Variants in LSM6 observed in about 807,000 individuals in gnomAD.
The protein encoded by LSM6 is LSM6 homolog, U6 small nuclear RNA and mRNA degradation associated.
Under a neutral mutation model 13.5 loss-of-function variants are expected in LSM6, and 2 were observed. The ratio of observed to expected loss-of-function variants is 0.15; its 90% CI spans 0.06 to 0.47. LSM6 has a LOEUF of 0.47. Among genes scored for constraint, LSM6 ranks in the 20% least tolerant of loss-of-function variants. LSM6 has a pLI of 0.97. For missense variants in LSM6, 58 were observed against 96.4 expected (o/e 0.60, Z 1.67); for synonymous variants, 43 against 34.9 (o/e 1.23, Z -0.82).
At chr4:146,179,288 C>G (rs1171720003) in intron 1 of LSM6, among the ~76,000 whole-genome samples, 1 of 152,194 alleles carries the variant, frequency 6.6e-6, no homozygotes, top group East Asian at 1.9e-4. Context: ...AGACTCATCT[C>G]TTGCTTCAGA....
chr4:146,189,494 ATGAT>A, intron 3 of LSM6, 124 bp from the exon 4 acceptor site: 1 of 660,578 alleles, frequency 1.5e-6, no homozygotes, highest in East Asian at 2.8e-5. Flanking sequence ...AGTTAATTGA[ATGAT>A]ACGAGAATTC....
rs1481353018 is a variant in LSM6 at position 146,175,797 on chromosome 4, G to GTTCC, written c.-24_-21dup. ...TGGGGCGCCTGGAGTGAGGGTTCTG[G>GTTCC]TTCCCGCCGGCGAGGTGAGCCGCAC... is the stretch of plus-strand genomic sequence containing the variant. On this transcript the variant is annotated 5_prime_UTR_variant, in exon 1 of 4. Coordinates refer to ENST00000296581, the MANE Select transcript of LSM6 (RefSeq NM_007080.3). The GTTCC allele has an allele frequency of 6.6e-6, 1 of 152,390 alleles. No individual in the cohort carries two copies. The highest frequency in any genetic ancestry group is 2.4e-5 in the African/African-American group (1 of 41,464). The allele number at this position is 152,390 out of a possible 1,614,324, so 9.4% of individuals were successfully genotyped here. A position where few individuals can be genotyped will look rare whatever the true frequency, so the allele number is the denominator to read the frequency against.
At chr4:146,182,888 G>A (rs1730261458) in intron 1 of LSM6, 24 bp from the exon 2 acceptor site, 3 of 1,376,456 alleles carry the variant, frequency 2.2e-6, no homozygotes, top group Non-Finnish European at 3.1e-6. Flanking sequence ...ACCTTTTATT[G>A]TTCCTTTTCA....
chr4:146,177,534 A>G (rs1249296006), intron 1 of LSM6, among the ~76,000 whole-genome samples: 1 of 152,202 alleles, frequency 6.6e-6, no homozygotes, highest in Non-Finnish European at 1.5e-5. Context: ...CCTACACTCC[A>G]TCATTTGGTT....
chr4:146,177,441 T>C (rs1025785415), intron 1 of LSM6, among the ~76,000 whole-genome samples: 1 of 152,216 alleles, frequency 6.6e-6, no homozygotes, highest in Non-Finnish European at 1.5e-5. Context: ...ATCCATTATT[T>C]AGAATGGCAA....
chr4:146,178,037 G>A (rs1730148760), intron 1 of LSM6, among the ~76,000 whole-genome samples: 1 of 152,208 alleles, frequency 6.6e-6, no homozygotes, highest in African/African-American at 2.4e-5. Context: ...ACAAACAGTT[G>A]TTTTCTCAGT....
intron 3 of LSM6, among the ~76,000 whole-genome samples, chr4:146,188,947 G>T (rs1226169255): frequency 6.6e-6 from 1 of 151,424 alleles, no homozygotes; most frequent in African/African-American, 2.4e-5. Flanking sequence ...TTGAGATCTA[G>T]CCTGGTTAGA....
rs1157490448 is a variant in LSM6 at position 146,189,737 on chromosome 4, C to T, written c.*81C>T. 7.1e-6 allele frequency: 7 copies of T among 990,602 alleles called. No individual in the cohort carries two copies. The South Asian group carries it at 7.5e-5, about 11-fold the overall frequency. The allele number at this position is 990,602 out of a possible 1,614,324, so 61.4% of individuals were successfully genotyped here. On this transcript the variant is annotated 3_prime_UTR_variant, in exon 4 of 4. Coordinates refer to ENST00000296581, the MANE Select transcript of LSM6 (RefSeq NM_007080.3). ...TCTAATTTTTGCTTCTTTTGTGATA[C>T]AATTTGTCCTCTTTTTATAATAGTT... is the stretch of plus-strand genomic sequence containing the variant.
chr4:146,183,224 G>A, intron 2 of LSM6: 1 of 432,804 alleles, frequency 2.3e-6, no homozygotes, highest in Non-Finnish European at 4.3e-6. Flanking sequence ...CTTTCAGTGT[G>A]ATTTGTGTGA....
At chr4:146,180,699 A>AT in intron 1 of LSM6, among the ~76,000 whole-genome samples, 2 of 152,304 alleles carry the variant, frequency 1.3e-5, no homozygotes, top group Non-Finnish European at 2.9e-5. Flanking sequence ...CATTTTAGTG[A>AT]TTTTTAACAC....
At chr4:146,180,099 G>T (rs537030836) in intron 1 of LSM6, among the ~76,000 whole-genome samples, 7 of 152,322 alleles carry the variant, frequency 4.6e-5, no homozygotes, top group African/African-American at 1.7e-4. Context: ...TCAGCTAGGG[G>T]GTGACGCCTT....
chr4:146,185,424 C>T (rs1182506721), intron 2 of LSM6, among the ~76,000 whole-genome samples: 1 of 148,832 alleles, frequency 6.7e-6, no homozygotes, highest in African/African-American at 2.5e-5. Flanking sequence ...ATGTTTTATA[C>T]TATTAGATAG....
chr4:146,191,507 G>GTAA lies in LSM6; in HGVS notation c.*1855_*1857dup, dbSNP rs1730469691. 6.6e-6 allele frequency: 1 copy of GTAA among 152,156 alleles called. No individual in the cohort carries two copies. Among genetic ancestry groups the GTAA allele is most frequent in the African/African-American group, 2.4e-5 (1 of 41,410 alleles). 9.4% of individuals were successfully genotyped at this position (152,156 alleles called of 1,614,324 possible). A position where few individuals can be genotyped will look rare whatever the true frequency, so the allele number is the denominator to read the frequency against. On this transcript the variant is annotated 3_prime_UTR_variant, in exon 4 of 4. Coordinates refer to ENST00000296581, the MANE Select transcript of LSM6 (RefSeq NM_007080.3). ...TTTGGGAAGTGCTGCCATTTTTATG[G>GTAA]TAATAAAGGACTGTATTATGCACTT...
At position 146,189,722 on chromosome 4, in the gene LSM6, G is replaced by A; in HGVS notation, c.*66G>A. 3 of 1,305,916 alleles carry A rather than the reference G, an allele frequency of 2.3e-6. No individual in the cohort carries two copies. Among genetic ancestry groups the A allele is most frequent in the Non-Finnish European group, 3.2e-6 (3 of 933,884 alleles). The allele number at this position is 1,305,916 out of a possible 1,614,324, so 80.9% of individuals were successfully genotyped here. ...TTTTTATGAATTTTTTCTAATTTTT[G>A]CTTCTTTTGTGATACAATTTGTCCT... On this transcript the variant is annotated 3_prime_UTR_variant, in exon 4 of 4. Transcript: ENST00000296581.
rs775275971 is a variant in LSM6, at chr4:146,183,019, A to G, written c.94+4A>G. On this transcript the variant is annotated splice_donor_region_variant and intron_variant, in intron 2 of 3. Coordinates refer to ENST00000296581, the MANE Select transcript of LSM6 (RefSeq NM_007080.3). Reference sequence around the variant, plus strand: ...AATTCTGGAGTGGATTATCGAGGTAATATTTTCATGTTTCAACCTCACTGG... The same window carrying G: ...AATTCTGGAGTGGATTATCGAGGTAGTATTTTCATGTTTCAACCTCACTGG... 6.9e-6 allele frequency: 11 copies of G among 1,588,682 alleles called. No homozygotes were observed. The highest frequency in any genetic ancestry group is 8.6e-6 in the Non-Finnish European group (10 of 1,157,048).
intron 1 of LSM6, among the ~76,000 whole-genome samples, chr4:146,180,619 C>T (rs1730211614): frequency 6.6e-6 from 1 of 152,184 alleles, no homozygotes; most frequent in Admixed American, 6.5e-5. Flanking sequence ...TGTAAATACT[C>T]TATGAGCAGA....
chr4:146,184,492 T>G (rs1179031706), intron 2 of LSM6, among the ~76,000 whole-genome samples: 2 of 152,176 alleles, frequency 1.3e-5, no homozygotes, highest in African/African-American at 4.8e-5. Flanking sequence ...ATAACGTATC[T>G]CCAGTTTAAT....
intron 3 of LSM6, among the ~76,000 whole-genome samples, chr4:146,188,887 T>A (rs1219742126): frequency 6.6e-6 from 1 of 152,136 alleles, no homozygotes; most frequent in Non-Finnish European, 1.5e-5. Context: ...AACAGCAAGT[T>A]TAGAGTTTGT....
intron 1 of LSM6, 130 bp downstream of exon 1, chr4:146,175,941 G>A (rs1318191777): frequency 6.6e-6 from 1 of 152,428 alleles, no homozygotes; most frequent in African/African-American, 2.4e-5. Flanking sequence ...CCCCGGAAAG[G>A]GCCTGCGGTG....
Sources: allele counts gnomAD v4.1 joint callset (sites outside exome capture counted in the v4.1 genomes callset), GRCh38; gene constraint gnomAD v4.1.1; transcripts MANE v1.5; gene names NCBI Gene and HGNC (gene_info 2026-07-23, HGNC 2026-07-21).